CRHR1: variants seen among roughly 807,000 people sequenced by gnomAD.
CRHR1 encodes corticotropin-releasing hormone receptor 1.
CRHR1 carries 28 observed loss-of-function variants against 56.0 expected under a neutral mutation model. The ratio of observed to expected loss-of-function variants is 0.50; its 90% CI spans 0.37 to 0.69. CRHR1 has a LOEUF of 0.69. Among genes scored for constraint, CRHR1 ranks in the 30% least tolerant of loss-of-function variants. The probability of loss-of-function intolerance (pLI) is 0.00; values close to 1 mark genes in which losing one functional copy is unlikely to be tolerated. For missense variants in CRHR1, 376 were observed against 548.0 expected (o/e 0.69, Z 3.13); for synonymous variants, 195 against 216.5 (o/e 0.90, Z 0.87).
At chr17:45,786,636 CTTTTTTT>C (rs34895436) in intron 1 of CRHR1, among the ~76,000 whole-genome samples, 2 of 108,402 alleles carry the variant, frequency 1.8e-5, no homozygotes, top group African/African-American at 7.0e-5. Flanking sequence ...AGAAAATATC[CTTTTTTT>C]TTTTTTTTTT....
chr17:45,830,218 CG>C lies in CRHR1; in HGVS notation c.555+5del, dbSNP rs2062266965. The C allele has an allele frequency of 6.2e-7, 1 of 1,613,898 alleles. No individual in the cohort carries two copies. Among genetic ancestry groups the C allele is most frequent in the Non-Finnish European group, 8.5e-7 (1 of 1,180,000 alleles). On this transcript the variant is annotated splice_donor_5th_base_variant and intron_variant, in intron 6 of 12. Coordinates refer to ENST00000314537, the MANE Select transcript of CRHR1 (RefSeq NM_004382.5). ...CGAGGTCCACCAGAGCAACGTGGTA[CG>C]TCCTGGCAGGGGAGCGGGGAGCAGG...
In CRHR1 at chr17:45,830,455, C is replaced by G. The variant is rs1169788805; in HGVS notation, c.594C>G (p.Phe198Leu). 6.2e-7 allele frequency: 1 copy of G among 1,613,544 alleles called. No individual in the cohort carries two copies. Among genetic ancestry groups the G allele is most frequent in the East Asian group, 2.2e-5 (1 of 44,878 alleles). ...TGGTGACAGCCGCCTACAACTACTT[C>G]CATGTGACCAACTTCTTCTGGATGT... ...CRLVTAAYNY[F>L]HVTNFFWMFG... Residue 198 changes from phenylalanine to leucine, a missense_variant, in exon 7 of 13, where the codon TTC (phenylalanine) becomes TTG (leucine). Phe to Leu is a conservative substitution (Grantham distance 22). Around this residue, in one of 2 missense-constraint regions of CRHR1, gnomAD observed 369 missense variants for 519.5 expected, o/e 0.71. Transcript: ENST00000314537.
At chr17:45,833,036 G>C (rs17689948) in intron 8 of CRHR1, 102 bp from the exon 9 acceptor site, 75,501 of 1,005,122 alleles carry the variant, frequency 0.075, 3,009 homozygotes, top group East Asian at 0.12. Context: ...TCTACCTCTT[G>C]GCCTCCAGCC....
intron 1 of CRHR1, among the ~76,000 whole-genome samples, chr17:45,792,714 C>G (rs188758099): frequency 2.6e-5 from 4 of 152,278 alleles, no homozygotes; most frequent in Admixed American, 2.6e-4. Flanking sequence ...CATCCCGTCC[C>G]CTGGTGTGAG....
intron 1 of CRHR1, among the ~76,000 whole-genome samples, chr17:45,797,931 C>A (rs532421578): frequency 7.9e-5 from 12 of 152,254 alleles, no homozygotes; most frequent in African/African-American, 2.9e-4. Flanking sequence ...GCAGAGTCAG[C>A]CCTGTGCTTC....
At chr17:45,806,859 C>A (rs904919863) in intron 1 of CRHR1, 151 bp from the exon 2 acceptor site, 4 of 636,958 alleles carry the variant, frequency 6.3e-6, no homozygotes, top group Non-Finnish European at 8.5e-6. Context: ...AGATGAGGGG[C>A]GGGTGTCTGG....
At chr17:45,807,157 G>C in intron 2 of CRHR1, 60 bp downstream of exon 2, 1 of 1,474,480 alleles carries the variant, frequency 6.8e-7, no homozygotes, top group Admixed American at 1.7e-5. Flanking sequence ...CCCTACCCCA[G>C]GTATCCCAGA....
intron 4 of CRHR1, among the ~76,000 whole-genome samples, chr17:45,823,089 A>T (rs1301994736): frequency 6.6e-6 from 1 of 151,056 alleles, no homozygotes; most frequent in African/African-American, 2.4e-5. Context: ...GGTTGCAGTG[A>T]GCCCAGATCG....
chr17:45,807,182 C>A, intron 2 of CRHR1, 85 bp downstream of exon 2: 1 of 1,264,476 alleles, frequency 7.9e-7, no homozygotes, highest in African/African-American at 1.5e-5. Context: ...GCACACAGAA[C>A]CATGCCCTAA....
intron 1 of CRHR1, among the ~76,000 whole-genome samples, chr17:45,787,125 G>A (rs939826505): frequency 6.6e-6 from 1 of 152,132 alleles, no homozygotes; most frequent in African/African-American, 2.4e-5. Flanking sequence ...TATATTGTGG[G>A]CCTCACACTA....
chr17:45,806,208 A>C (rs1025907239), intron 1 of CRHR1, among the ~76,000 whole-genome samples: 1 of 152,224 alleles, frequency 6.6e-6, no homozygotes, highest in African/African-American at 2.4e-5. Context: ...AAGAAGGGGC[A>C]GCCCTCCAGG....
chr17:45,801,731 G>A (rs532127732), intron 1 of CRHR1, among the ~76,000 whole-genome samples: 259 of 152,318 alleles, frequency 1.7e-3, no homozygotes, highest in Non-Finnish European at 2.2e-3. Flanking sequence ...TGAAAGGAGC[G>A]CCAGTGGCTG....
chr17:45,830,534 C>A lies in CRHR1; in HGVS notation c.673C>A (p.Arg225=). Residue 225 remains arginine (R), a synonymous_variant, in exon 7 of 13, where the codon CGG becomes AGG. Transcript: ENST00000314537. ...CATCGTGCTCACCTACTCCACTGAC[C>A]GGCTGCGCAAATGGATGTTCATCTG... ...TAIVLTYSTD[R]LRKWMFICIG... The A allele has an allele frequency of 6.2e-7, 1 of 1,613,052 alleles. No homozygotes were observed. Among genetic ancestry groups the A allele is most frequent in the Middle Eastern group, 1.7e-4 (1 of 6,056 alleles).
intron 3 of CRHR1, among the ~76,000 whole-genome samples, chr17:45,819,313 G>T (rs1036491881): frequency 2.0e-5 from 3 of 152,224 alleles, no homozygotes; most frequent in Admixed American, 1.3e-4. Context: ...AAGCTGACAG[G>T]TTTCGGGATT....
chr17:45,833,693 T>TGGGGGGGGG, intron 10 of CRHR1, 21 bp from the exon 11 acceptor site: 193 of 1,571,246 alleles, frequency 1.2e-4, no homozygotes, highest in Middle Eastern at 2.0e-4. Context: ...ACTCCGAGCC[T>TGGGGGGGGG]CCCCACCCGC....
At chr17:45,829,758 C>A (rs2062251748) in intron 5 of CRHR1, 2 of 1,111,220 alleles carry the variant, frequency 1.8e-6, no homozygotes, top group East Asian at 5.1e-5. Flanking sequence ...CAGGGCTGAC[C>A]CCTGTGACTG....
intron 1 of CRHR1, 94 bp from the exon 2 acceptor site, chr17:45,806,916 C>A: frequency 9.6e-7 from 1 of 1,043,834 alleles, no homozygotes. Context: ...CAGGCAGGTG[C>A]AGTGTCACCC....
chr17:45,830,397 G>T lies in CRHR1; in HGVS notation c.556-20G>T. The T allele has an allele frequency of 1.9e-6, 3 of 1,596,254 alleles. No homozygotes were observed. The highest frequency in any genetic ancestry group is 1.7e-6 in the Non-Finnish European group (2 of 1,169,540). ...TCCCCTGCCCCCCATCATCATCTCT[G>T]GTTGGGGGTGGGGTGGCAGGGCTGG... On this transcript the variant is annotated intron_variant, in intron 6 of 12. Transcript: ENST00000314537.
intron 10 of CRHR1, 21 bp from the exon 11 acceptor site, chr17:45,833,693 T>TGGGGGCCCCCCC: frequency 1.3e-5 from 21 of 1,571,484 alleles, no homozygotes; most frequent in East Asian, 2.3e-5. Context: ...ACTCCGAGCC[T>TGGGGGCCCCCCC]CCCCACCCGC....
Sources: gnomAD v4.1 joint callset for allele counts (sites outside exome capture counted in the v4.1 genomes callset) on GRCh38, gnomAD v4.1.1 for gene constraint, gnomAD v4.1.1 regional missense constraint, MANE v1.5 for transcripts, NCBI Gene and HGNC (gene_info 2026-07-23, HGNC 2026-07-21) for gene names.